Variants in CDHR2 observed in about 807,000 individuals in gnomAD.
CDHR2 encodes the protein cadherin related family member 2.
CDHR2 carries 104 observed loss-of-function variants against 138.6 expected under a neutral mutation model. That is an observed-to-expected ratio of 0.75 (90% CI 0.64 to 0.88). The LOEUF (loss-of-function observed/expected upper bound fraction) is 0.88, where lower values mean the gene tolerates loss of function less well. CDHR2 is among the 40% of genes least tolerant of loss of function. The pLI is 0.00. For synonymous variants in CDHR2, 755 were observed against 742.8 expected (o/e 1.02, Z -0.27); for missense variants, 1,624 against 1,727.6 (o/e 0.94, Z 1.06).
At chr5:176,554,931 GGTGT>G (rs1419415764) in intron 1 of CDHR2, among the ~76,000 whole-genome samples, 24 of 152,336 alleles carry the variant, frequency 1.6e-4, no homozygotes, top group Admixed American at 5.2e-4. Flanking sequence ...TGGGATTACA[GGTGT>G]GAGCCACCAC....
At chr5:176,585,053 A>G (rs1758628167) in intron 19 of CDHR2, 38 bp downstream of exon 19, 1 of 1,513,912 alleles carries the variant, frequency 6.6e-7, no homozygotes, top group Non-Finnish European at 8.9e-7. Context: ...GGCAGGCCAT[A>G]GCTTAGGGGC....
chr5:176,568,289 A>C (rs1758128326), intron 3 of CDHR2, among the ~76,000 whole-genome samples: 1 of 152,140 alleles, frequency 6.6e-6, no homozygotes, highest in Non-Finnish European at 1.5e-5. Context: ...GGCTCACTTG[A>C]GCAGAAAGGG....
At chr5:176,593,655 C>T (rs1417753076) in intron 31 of CDHR2, among the ~76,000 whole-genome samples, 7 of 152,240 alleles carry the variant, frequency 4.6e-5, no homozygotes, top group Non-Finnish European at 7.3e-5. Context: ...GGGATCCACC[C>T]ACATTTTCCC....
chr5:176,578,110 T>C lies in CDHR2; in HGVS notation c.1574+15T>C. 2 of 1,608,228 alleles carry C rather than the reference T, an allele frequency of 1.2e-6. No homozygotes were observed. The highest frequency in any genetic ancestry group is 2.2e-5 in the South Asian group (2 of 90,576). On this transcript the variant is annotated intron_variant, in intron 15 of 31. Coordinates refer to ENST00000261944, the MANE Select transcript of CDHR2 (RefSeq NM_017675.6). ...CCAGGAAATGGGTAAGGGCTCAGGG[T>C]GGGCCGTAGGCAGGTGGGTGAGCAG...
At chr5:176,588,724 TGAGA>T (rs10665839) in intron 21 of CDHR2, among the ~76,000 whole-genome samples, 8 of 147,456 alleles carry the variant, frequency 5.4e-5, no homozygotes, top group South Asian at 4.3e-4. Context: ...TGTGTGTGTG[TGAGA>T]GAGAGAGAGA....
rs1352148546 is a variant in CDHR2, at chr5:176,578,576, G to C, written c.1786G>C (p.Glu596Gln). 1 of 1,613,010 alleles carries C rather than the reference G, an allele frequency of 6.2e-7. No individual in the cohort carries two copies. The change falls in exon 16 of 32, where the codon GAG (glutamate) becomes CAG (glutamine). Residue 596 changes from glutamate (E) to glutamine (Q), a missense_variant. Glu to Gln is a conservative substitution (Grantham distance 29). Around this residue, in one of 3 missense-constraint regions of CDHR2, gnomAD observed 1,061 missense variants for 1,136.6 expected, o/e 0.93. Coordinates refer to ENST00000261944, the MANE Select transcript of CDHR2 (RefSeq NM_017675.6). Reference protein sequence around the residue: ...VSGSYNIFVQEEEGNVSVTIQ... With the variant: ...VSGSYNIFVQQEEGNVSVTIQ... Reference sequence around the variant, plus strand: ...CGGCTCCTACAACATCTTCGTCCAGGAGGAGGAGGGCAATGTCTCCGTGAC... The same window carrying C: ...CGGCTCCTACAACATCTTCGTCCAGCAGGAGGAGGGCAATGTCTCCGTGAC...
At chr5:176,568,844 C>G (rs777859388) in intron 4 of CDHR2, 27 bp downstream of exon 4, 1 of 1,613,078 alleles carries the variant, frequency 6.2e-7, no homozygotes, top group South Asian at 1.1e-5. Context: ...GGAGAGGGCA[C>G]GGGACGCGGA....
intron 6 of CDHR2, among the ~76,000 whole-genome samples, chr5:176,572,034 C>A (rs577540448): frequency 6.6e-6 from 1 of 152,212 alleles, no homozygotes; most frequent in South Asian, 2.1e-4. Flanking sequence ...CTCAGCTCTG[C>A]TTCTCTTATT....
chr5:176,586,088 C>G, intron 20 of CDHR2, 63 bp downstream of exon 20: 1 of 1,338,688 alleles, frequency 7.5e-7, no homozygotes, highest in Non-Finnish European at 1.1e-6. Flanking sequence ...TGAGCAACCC[C>G]GACAGACCCT....
intron 31 of CDHR2, among the ~76,000 whole-genome samples, chr5:176,594,377 C>T (rs1470625533): frequency 6.6e-6 from 1 of 152,176 alleles, no homozygotes; most frequent in Non-Finnish European, 1.5e-5. Context: ...GATCCTTTTC[C>T]CAGGAATCTC....
At chr5:176,590,716 A>C in intron 28 of CDHR2, 29 bp downstream of exon 28, 1 of 1,611,876 alleles carries the variant, frequency 6.2e-7, no homozygotes, top group South Asian at 1.1e-5. Context: ...CCGTGTCTCC[A>C]ACCTTCACCC....
At chr5:176,591,095 A>G (rs531026419) in intron 28 of CDHR2, 115 bp from the exon 29 acceptor site, 2 of 704,168 alleles carry the variant, frequency 2.8e-6, no homozygotes, top group South Asian at 3.4e-5. Flanking sequence ...TACCCTCTGT[A>G]AAATAGAGCT....
intron 1 of CDHR2, among the ~76,000 whole-genome samples, chr5:176,550,866 G>A (rs1167809633): frequency 6.6e-6 from 1 of 152,106 alleles, no homozygotes; most frequent in Non-Finnish European, 1.5e-5. Flanking sequence ...TCTGAGATGC[G>A]GCTGAAGCCT....
intron 6 of CDHR2, 90 bp downstream of exon 6, chr5:176,571,392 T>A: frequency 1.1e-6 from 1 of 923,970 alleles, no homozygotes; most frequent in Non-Finnish European, 1.6e-6. Flanking sequence ...AGTGGGGCAT[T>A]CAGAGTTGGG....
At chr5:176,577,342 A>G in intron 12 of CDHR2, 57 bp from the exon 13 acceptor site, 1 of 1,543,190 alleles carries the variant, frequency 6.5e-7, no homozygotes, top group Admixed American at 2.0e-5. Context: ...GACTGGGGGA[A>G]GATGCAGGTG....
chr5:176,569,552 G>A (rs1463435378), intron 5 of CDHR2, among the ~76,000 whole-genome samples: 1 of 152,162 alleles, frequency 6.6e-6, no homozygotes, highest in Non-Finnish European at 1.5e-5. Context: ...AGAGTGCTGG[G>A]ATTACAGGCG....
rs781345927 is a variant in CDHR2 at position 176,576,176 on chromosome 5, C to T, written c.1185C>T (p.Asp395=). 6.2e-7 allele frequency: 1 copy of T among 1,611,622 alleles called. No individual in the cohort carries two copies. The highest frequency in any genetic ancestry group is 1.1e-5 in the South Asian group (1 of 91,016). The part of the protein sequence containing the change: ...PIDDLTMVVY[D]PDKGSNGTFL... ...ATGACCTCACCATGGTGGTCTACGACCCGGACAAGGCAGGCGTGGTGGCGT... is the reference window on the plus strand; with the variant it reads ...ATGACCTCACCATGGTGGTCTACGATCCGGACAAGGCAGGCGTGGTGGCGT... Residue 395 remains aspartate (D), a synonymous_variant, in exon 12 of 32, where the codon GAC becomes GAT. Coordinates refer to ENST00000261944, the MANE Select transcript of CDHR2 (RefSeq NM_017675.6). The surrounding 1 kb of genome is among the most constrained non-coding windows in gnomAD (Gnocchi z 4.5).
intron 1 of CDHR2, among the ~76,000 whole-genome samples, chr5:176,564,471 A>G (rs997226676): frequency 1.2e-4 from 19 of 152,192 alleles, no homozygotes; most frequent in Non-Finnish European, 2.6e-4. Flanking sequence ...TACAGGCGTG[A>G]GCCACCACGC....
intron 6 of CDHR2, among the ~76,000 whole-genome samples, chr5:176,571,914 G>T (rs7731281): frequency 0.073 from 11,037 of 152,042 alleles, 492 homozygotes; most frequent in South Asian, 0.16. Flanking sequence ...ATCTTGATTT[G>T]ATTTGAGCCA....
Sources: gnomAD v4.1 joint callset for allele counts (sites outside exome capture counted in the v4.1 genomes callset) on GRCh38, gnomAD v4.1.1 for gene constraint, gnomAD v4.1.1 regional missense constraint, Gnocchi (gnomAD v3.1) non-coding constraint, MANE v1.5 for transcripts, NCBI Gene and HGNC (gene_info 2026-07-23, HGNC 2026-07-21) for gene names.